The following GRID2 variants were observed in gnomAD, a reference collection of about 807,000 sequenced individuals.
The protein encoded by GRID2 is glutamate ionotropic receptor delta type subunit 2, also known as glutamate receptor ionotropic, delta-2.
In GRID2, 33 loss-of-function variants were observed where a neutral mutation model predicts 114.8. That is an observed-to-expected ratio of 0.29 (90% CI 0.22 to 0.38). The LOEUF is 0.38. Ranked by LOEUF, GRID2 falls within the 10% of genes least tolerant of loss-of-function variation. The probability of loss-of-function intolerance (pLI) is 1.00; values close to 1 mark genes in which losing one functional copy is unlikely to be tolerated. For missense variants in GRID2, 1,184 were observed against 1,257.7 expected (o/e 0.94, Z 0.89); for synonymous variants, 505 against 449.9 (o/e 1.12, Z -1.55).
At chr4:92,360,178 A>G (rs981061335) in intron 1 of GRID2, among the ~76,000 whole-genome samples, 1 of 151,948 alleles carries the variant, frequency 6.6e-6, no homozygotes, top group African/African-American at 2.4e-5. Flanking sequence ...TTGGCTCTAG[A>G]TTTATACCTA....
At chr4:93,272,698 T>C (rs1481834469) in intron 8 of GRID2, among the ~76,000 whole-genome samples, 1 of 152,174 alleles carries the variant, frequency 6.6e-6, no homozygotes, top group African/African-American at 2.4e-5. Flanking sequence ...TATGTAAGAA[T>C]AGATGCCAGC....
At chr4:93,562,196 GT>G (rs35552209) in intron 13 of GRID2, among the ~76,000 whole-genome samples, 48,045 of 148,480 alleles carry the variant, frequency 0.32, 8,427 homozygotes, top group African/African-American at 0.46. Flanking sequence ...TTTTGTCAGA[GT>G]TTTTTTTTTT....
At chr4:93,179,926 C>T (rs1390258067) in intron 4 of GRID2, among the ~76,000 whole-genome samples, 1 of 152,108 alleles carries the variant, frequency 6.6e-6, no homozygotes, top group South Asian at 2.1e-4. Context: ...ACCCTCTGCT[C>T]TAGTGTATTT....
intron 2 of GRID2, among the ~76,000 whole-genome samples, chr4:92,734,968 G>A (rs1736520635): frequency 6.6e-6 from 1 of 151,276 alleles, no homozygotes; most frequent in Non-Finnish European, 1.5e-5. Context: ...TTGTAGAAAA[G>A]GAGTTTTGCC....
intron 1 of GRID2, among the ~76,000 whole-genome samples, chr4:92,465,326 G>C (rs1433768962): frequency 6.6e-6 from 1 of 151,822 alleles, no homozygotes; most frequent in Non-Finnish European, 1.5e-5. Context: ...TCAAGAAAAT[G>C]TTATGTAATT....
intron 4 of GRID2, among the ~76,000 whole-genome samples, chr4:93,114,504 T>C (rs1479405012): frequency 6.6e-6 from 1 of 152,134 alleles, no homozygotes; most frequent in African/African-American, 2.4e-5. Context: ...TAATCACTGA[T>C]TTTATGTCTC....
intron 1 of GRID2, among the ~76,000 whole-genome samples, chr4:92,333,574 A>G (rs1386078033): frequency 6.6e-6 from 1 of 152,062 alleles, no homozygotes; most frequent in Non-Finnish European, 1.5e-5. Flanking sequence ...CAGGCTATGA[A>G]TTTTCTAAAT....
intron 8 of GRID2, among the ~76,000 whole-genome samples, chr4:93,304,267 T>C (rs1755179949): frequency 6.8e-6 from 1 of 147,928 alleles, no homozygotes; most frequent in South Asian, 2.1e-4. Context: ...AATATATATA[T>C]ATATATATAT....
At chr4:93,515,486 T>G in intron 13 of GRID2, 75 bp downstream of exon 13, 3 of 982,078 alleles carry the variant, frequency 3.1e-6, no homozygotes, top group African/African-American at 3.3e-5. Flanking sequence ...TTGAGATTTG[T>G]TTTTTTTGTT....
chr4:92,498,858 A>C (rs1723526329), intron 1 of GRID2, among the ~76,000 whole-genome samples: 1 of 151,264 alleles, frequency 6.6e-6, no homozygotes, highest in Admixed American at 6.6e-5. Context: ...TGTAGGTAGT[A>C]TGAATCATGG....
At chr4:92,803,492 C>A (rs1285550146) in intron 2 of GRID2, among the ~76,000 whole-genome samples, 2 of 151,920 alleles carry the variant, frequency 1.3e-5, no homozygotes, top group African/African-American at 4.8e-5. Context: ...TGTGGATACT[C>A]TTCCTAATAA....
At chr4:92,664,682 C>A (rs949486429) in intron 2 of GRID2, among the ~76,000 whole-genome samples, 9 of 151,064 alleles carry the variant, frequency 6.0e-5, no homozygotes, top group African/African-American at 2.2e-4. Flanking sequence ...CCCTTAAATA[C>A]TGTTAATTTT....
At chr4:93,468,623 C>T (rs1383476729) in intron 11 of GRID2, among the ~76,000 whole-genome samples, 6 of 151,802 alleles carry the variant, frequency 4.0e-5, no homozygotes, top group East Asian at 1.9e-4. Flanking sequence ...TTGAAGAGGC[C>T]GGAAGCATAG....
intron 13 of GRID2, among the ~76,000 whole-genome samples, chr4:93,551,252 A>C (rs1337563900): frequency 2.0e-5 from 3 of 152,216 alleles, no homozygotes; most frequent in Non-Finnish European, 4.4e-5. Flanking sequence ...GTACTGTTTA[A>C]AAATAAAGCA....
At chr4:92,489,411 T>G (rs1723045232) in intron 1 of GRID2, among the ~76,000 whole-genome samples, 1 of 152,178 alleles carries the variant, frequency 6.6e-6, no homozygotes, top group Non-Finnish European at 1.5e-5. Context: ...TGTAACAATA[T>G]TCCTCAAAAT....
chr4:93,452,225 G>C (rs1412659968), intron 10 of GRID2, among the ~76,000 whole-genome samples: 1 of 152,130 alleles, frequency 6.6e-6, no homozygotes, highest in Non-Finnish European at 1.5e-5. Context: ...GATGGAGGGA[G>C]AAATCATCAA....
At chr4:93,410,189 G>A (rs1300457360) in intron 9 of GRID2, among the ~76,000 whole-genome samples, 1 of 152,138 alleles carries the variant, frequency 6.6e-6, no homozygotes, top group Non-Finnish European at 1.5e-5. Flanking sequence ...TAAGGATGAT[G>A]ACAGGCATAA....
intron 14 of GRID2, among the ~76,000 whole-genome samples, chr4:93,740,916 T>C (rs1440920734): frequency 6.6e-6 from 1 of 151,752 alleles, no homozygotes; most frequent in Admixed American, 6.6e-5. Flanking sequence ...AGTTCATTTT[T>C]TCCTCTTCTG....
chr4:93,185,866 A>G lies in GRID2; in HGVS notation c.736-21538A>G, dbSNP rs549832160. Among the ~76,000 whole-genome samples, 607 of 152,264 alleles carry G rather than the reference A, an allele frequency of 4.0e-3. 6 individuals are homozygous for G. Among genetic ancestry groups the G allele is most frequent in the African/African-American group, 0.014 (574 of 41,552 alleles). Reference sequence around the variant, plus strand: ...CACCCATTAACTTGTCATTTACATTAGGCATTTATTCTAATGCTATCCCTC... The same window carrying G: ...CACCCATTAACTTGTCATTTACATTGGGCATTTATTCTAATGCTATCCCTC... On this transcript the variant is annotated intron_variant, in intron 4 of 15. Coordinates refer to ENST00000282020, the MANE Select transcript of GRID2 (RefSeq NM_001510.4).
Sources: gnomAD v4.1 joint callset for allele counts (sites outside exome capture counted in the v4.1 genomes callset) on GRCh38, gnomAD v4.1.1 for gene constraint, MANE v1.5 for transcripts, NCBI Gene and HGNC (gene_info 2026-07-23, HGNC 2026-07-21) for gene names.